Variants in CRISPLD2 observed in about 807,000 individuals in gnomAD.
CRISPLD2 encodes the protein cysteine rich secretory protein LCCL domain containing 2.
In CRISPLD2, 47 loss-of-function variants were observed where a neutral mutation model predicts 71.1. The ratio of observed to expected loss-of-function variants is 0.66; its 90% CI spans 0.52 to 0.84. CRISPLD2 has a LOEUF of 0.84. CRISPLD2 is among the 40% of genes least tolerant of loss of function. CRISPLD2 has a pLI of 0.00. For missense variants in CRISPLD2, 830 were observed against 651.1 expected, an observed-to-expected ratio of 1.27 and a Z score of -2.99; for synonymous variants, 317 against 250.1, an observed-to-expected ratio of 1.27 and a Z score of -2.52.
intron 5 of CRISPLD2, among the ~76,000 whole-genome samples, chr16:84,854,198 T>C (rs2143228862): frequency 6.6e-6 from 1 of 152,300 alleles, no homozygotes; most frequent in South Asian, 2.1e-4. Context: ...GTGCCACAGT[T>C]TCCTCCTCTG....
intron 4 of CRISPLD2, among the ~76,000 whole-genome samples, chr16:84,849,719 C>G (rs4783088): frequency 1.1e-4 from 7 of 66,592 alleles, no homozygotes; most frequent in Admixed American, 3.2e-4. Context: ...GCACTACAAA[C>G]TCTTTTTTTT....
chr16:84,842,918 A>T (rs1352109760), intron 2 of CRISPLD2, among the ~76,000 whole-genome samples: 1 of 152,112 alleles, frequency 6.6e-6, no homozygotes, highest in Non-Finnish European at 1.5e-5. Flanking sequence ...CCAGGATCCC[A>T]GATGCTTCCC....
intron 14 of CRISPLD2, among the ~76,000 whole-genome samples, chr16:84,893,511 T>TC (rs34792918): frequency 6.6e-6 from 1 of 152,208 alleles, no homozygotes; most frequent in Non-Finnish European, 1.5e-5. Context: ...GCTGACGATG[T>TC]CCCTGGCACC....
rs11389223 is a variant in CRISPLD2 at position 84,848,985 on chromosome 16, C to CAAAA, written c.360-385_360-382dup. Among the ~76,000 whole-genome samples, 268 of 106,724 alleles carry CAAAA rather than the reference C, an allele frequency of 2.5e-3. 4 individuals carry two copies. Among genetic ancestry groups the CAAAA allele is most frequent in the African/African-American group, 9.9e-3 (257 of 25,964 alleles). The allele number at this position is 106,724 out of a possible 152,430, so 70.0% of individuals were successfully genotyped here. On this transcript the variant is annotated intron_variant, in intron 3 of 14. Transcript: ENST00000262424. ...TGGGCGACAGAGCGAGACTCCGTCT[C>CAAAA]AAAAAAAAAAAAAAAAAAGAAAGGA... is the stretch of plus-strand genomic sequence containing the variant.
chr16:84,838,804 C>G lies in CRISPLD2; in HGVS notation c.240+69C>G, dbSNP rs1028930868. The G allele has an allele frequency of 5.2e-6, 8 of 1,543,452 alleles. No homozygotes were observed. In the African/African-American group the frequency reaches 5.5e-5, roughly 11 times the overall value. ...GCCTGGGCCACCAGCCTGCTCTGTT[C>G]CCCAGCCAGCTCTGTTCCCCAGCCA... On this transcript the variant is annotated intron_variant, in intron 2 of 14. Coordinates refer to ENST00000262424, the MANE Select transcript of CRISPLD2 (RefSeq NM_031476.4).
intron 1 of CRISPLD2, chr16:84,836,278 C>T (rs1916616680): frequency 6.6e-6 from 1 of 152,244 alleles, no homozygotes; most frequent in African/African-American, 2.4e-5. Flanking sequence ...ACCGCACTCT[C>T]AACCTCAACC....
intron 14 of CRISPLD2, among the ~76,000 whole-genome samples, chr16:84,904,986 A>G (rs1021968549): frequency 1.3e-5 from 2 of 152,174 alleles, no homozygotes; most frequent in African/African-American, 4.8e-5. Flanking sequence ...TTATGCCTTA[A>G]AAGACACCAT....
chr16:84,901,572 A>C (rs969877815), intron 14 of CRISPLD2, among the ~76,000 whole-genome samples: 2 of 150,534 alleles, frequency 1.3e-5, no homozygotes, highest in African/African-American at 4.9e-5. Context: ...CCTGGATTCA[A>C]ATTATTCTCC....
At chr16:84,822,519 G>A (rs1597441419) in intron 1 of CRISPLD2, among the ~76,000 whole-genome samples, 1 of 152,194 alleles carries the variant, frequency 6.6e-6, no homozygotes, top group African/African-American at 2.4e-5. Context: ...CTGCATGTCT[G>A]CCTGCGCCAG....
At chr16:84,894,437 G>C (rs1485853751) in intron 14 of CRISPLD2, among the ~76,000 whole-genome samples, 7 of 152,038 alleles carry the variant, frequency 4.6e-5, no homozygotes, top group Admixed American at 3.9e-4. Flanking sequence ...GGTATATATG[G>C]GTGCACAGCC....
intron 13 of CRISPLD2, among the ~76,000 whole-genome samples, chr16:84,888,120 A>C (rs1771408001): frequency 6.6e-6 from 1 of 152,212 alleles, no homozygotes; most frequent in Admixed American, 6.5e-5. Flanking sequence ...GGCTAAAATC[A>C]AGGTGGCAGC....
chr16:84,859,010 T>A (rs1917314478), intron 6 of CRISPLD2, among the ~76,000 whole-genome samples: 1 of 152,238 alleles, frequency 6.6e-6, no homozygotes, highest in Admixed American at 6.5e-5. Context: ...TCACCACCCC[T>A]GTGTCTTTCA....
chr16:84,871,564 T>G (rs2071469299), intron 8 of CRISPLD2, among the ~76,000 whole-genome samples: 2 of 152,144 alleles, frequency 1.3e-5, no homozygotes, highest in South Asian at 2.1e-4. Flanking sequence ...TGTTTGTTGG[T>G]TTGTTGAGAC....
chr16:84,870,288 G>A (rs868772712), intron 8 of CRISPLD2, among the ~76,000 whole-genome samples: 2 of 151,538 alleles, frequency 1.3e-5, no homozygotes, highest in Non-Finnish European at 2.9e-5. Flanking sequence ...TTTTTTCTGT[G>A]TACAGATGAG....
intron 3 of CRISPLD2, among the ~76,000 whole-genome samples, chr16:84,846,313 C>T (rs1220796468): frequency 1.4e-5 from 2 of 147,694 alleles, no homozygotes; most frequent in Non-Finnish European, 3.0e-5. Context: ...AGTGCAGTGG[C>T]GCAATCTCGG....
At chr16:84,850,745 C>A in intron 5 of CRISPLD2, 62 bp downstream of exon 5, 1 of 1,346,494 alleles carries the variant, frequency 7.4e-7, no homozygotes, top group Non-Finnish European at 1.1e-6. Flanking sequence ...TGCCAGGGAG[C>A]ACCCAGTGAA....
chr16:84,821,718 G>T (rs1163175546), intron 1 of CRISPLD2, among the ~76,000 whole-genome samples: 1 of 152,220 alleles, frequency 6.6e-6, no homozygotes, highest in African/African-American at 2.4e-5. Flanking sequence ...AACCAAGAGG[G>T]TGATTTTGAT....
At chr16:84,827,336 G>A (rs562513052) in intron 1 of CRISPLD2, among the ~76,000 whole-genome samples, 29 of 152,010 alleles carry the variant, frequency 1.9e-4, no homozygotes, top group East Asian at 1.9e-4. Flanking sequence ...CCCTGTCACC[G>A]CCCGACTTCC....
intron 1 of CRISPLD2, among the ~76,000 whole-genome samples, chr16:84,833,242 T>C (rs1916530570): frequency 2.0e-5 from 3 of 152,034 alleles, no homozygotes; most frequent in African/African-American, 7.2e-5. Flanking sequence ...GGTCTCACCA[T>C]TGACCCTGGG....
Sources: gnomAD v4.1 joint callset for allele counts (sites outside exome capture counted in the v4.1 genomes callset) on GRCh38, gnomAD v4.1.1 for gene constraint, MANE v1.5 for transcripts, NCBI Gene and HGNC (gene_info 2026-07-23, HGNC 2026-07-21) for gene names.